TAMM41: variants seen among roughly 807,000 people sequenced by gnomAD.
The protein encoded by TAMM41 is phosphatidate cytidylyltransferase, mitochondrial.
TAMM41 carries 36 observed loss-of-function variants against 44.1 expected under a neutral mutation model. The ratio of observed to expected loss-of-function variants is 0.82; its 90% CI spans 0.63 to 1.08. The LOEUF is 1.08. Ranked by LOEUF, TAMM41 falls within the 50% of genes least tolerant of loss-of-function variation. TAMM41 has a pLI of 0.00. For synonymous variants in TAMM41, 164 were observed against 153.1 expected (o/e 1.07, Z -0.53); for missense variants, 417 against 404.3 (o/e 1.03, Z -0.27).
intron 7 of TAMM41, among the ~76,000 whole-genome samples, chr3:11,805,167 A>G (rs991789993): frequency 6.6e-5 from 10 of 151,910 alleles, no homozygotes; most frequent in Admixed American, 3.9e-4. Context: ...ACGCCCAGCT[A>G]ATTTTTTGTA....
At chr3:11,820,177 G>A (rs955811156) in intron 4 of TAMM41, among the ~76,000 whole-genome samples, 4 of 152,172 alleles carry the variant, frequency 2.6e-5, no homozygotes, top group Non-Finnish European at 4.4e-5. Flanking sequence ...ATCCTTACAC[G>A]TATAAAAATG....
chr3:11,746,490 A>T, the TAMM41 span, among the ~76,000 whole-genome samples: 1 of 152,010 alleles, frequency 6.6e-6, no homozygotes, highest in Non-Finnish European at 1.5e-5. Flanking sequence ...ACATCAAGAG[A>T]TAAACAAATT....
At chr3:11,813,289 G>T (rs758577108) in intron 5 of TAMM41, among the ~76,000 whole-genome samples, 7 of 152,138 alleles carry the variant, frequency 4.6e-5, no homozygotes, top group Non-Finnish European at 1.0e-4. Context: ...CAGCACTTTG[G>T]GAGGCTGAAG....
downstream of TAMM41, among the ~76,000 whole-genome samples, chr3:11,787,285 T>C (rs113254007): frequency 1.1e-3 from 173 of 152,236 alleles, 1 homozygote; most frequent in African/African-American, 4.0e-3. Flanking sequence ...GGAGGGAAAA[T>C]GAATGCTACT....
Position 11,846,699 on chromosome 3 carries a change from A to G in TAMM41, c.-63T>C. ...GCGAGGACAACCGGGCGGGGAACAG[A>G]CACCGGGTAGGCGGTTTAGGGTGGG... is the stretch of plus-strand genomic sequence containing the variant. On this transcript the variant is annotated 5_prime_UTR_variant, in exon 1 of 8. Coordinates refer to ENST00000455809, the MANE Select transcript of TAMM41 (RefSeq NM_001284401.2). The G allele has an allele frequency of 6.2e-7, 1 of 1,608,956 alleles. No homozygotes were observed. Among genetic ancestry groups the G allele is most frequent in the Non-Finnish European group, 8.5e-7 (1 of 1,177,124 alleles).
At position 11,844,035 on chromosome 3, in the gene TAMM41, A is replaced by G. The variant is rs771465281; in HGVS notation, c.312T>C (p.Asn104=). ...GVYYNSLIMC[N]GRLIKYGVIS... The stretch of plus-strand genomic sequence containing the variant: ...AAGGCCAGCAGTCACTTACCCTACC[A>G]TTACACATGATCAATGAATTGTAGT... Residue 104 remains asparagine (N), a synonymous_variant, in exon 2 of 8, where the codon AAT becomes AAC. Coordinates refer to ENST00000455809, the MANE Select transcript of TAMM41 (RefSeq NM_001284401.2). 6.2e-7 allele frequency: 1 copy of G among 1,614,020 alleles called. No individual in the cohort carries two copies. The highest frequency in any genetic ancestry group is 8.5e-7 in the Non-Finnish European group (1 of 1,179,954).
the TAMM41 span, among the ~76,000 whole-genome samples, chr3:11,783,230 A>G: frequency 6.6e-6 from 1 of 151,556 alleles, no homozygotes; most frequent in East Asian, 2.0e-4. Flanking sequence ...TCTTGCATTT[A>G]TGGTTTTGCC....
At chr3:11,748,117 C>T in the TAMM41 span, among the ~76,000 whole-genome samples, 5 of 150,494 alleles carry the variant, frequency 3.3e-5, no homozygotes, top group Admixed American at 2.0e-4. Context: ...TCAAGCAATC[C>T]ACCTGCCTTA....
chr3:11,793,294 G>A lies in TAMM41; in HGVS notation c.938-2713C>T, dbSNP rs1461377354. ...CAACTTCCTCAGTCATGAGGAAAATGTAAATTAAAAGATCAATATGGTACC... is the reference window on the plus strand; with the variant it reads ...CAACTTCCTCAGTCATGAGGAAAATATAAATTAAAAGATCAATATGGTACC... On this transcript the variant is annotated intron_variant, in intron 7 of 7. Transcript: ENST00000455809. Among the ~76,000 whole-genome samples, 3 of 152,124 alleles carry A rather than the reference G, an allele frequency of 2.0e-5. No homozygotes were observed. The East Asian group carries it at 5.8e-4, about 29-fold the overall frequency.
the TAMM41 span, among the ~76,000 whole-genome samples, chr3:11,755,363 G>T: frequency 2.0e-5 from 3 of 152,170 alleles, no homozygotes; most frequent in African/African-American, 7.2e-5. Context: ...GAGTCGGCTT[G>T]TGGGGAAGGA....
intron 3 of TAMM41, among the ~76,000 whole-genome samples, chr3:11,837,829 C>G (rs1312401099): frequency 6.6e-6 from 1 of 152,142 alleles, no homozygotes; most frequent in South Asian, 2.1e-4. Flanking sequence ...ACCCTTCCCC[C>G]AAATGGGTCA....
downstream of TAMM41, among the ~76,000 whole-genome samples, chr3:11,786,170 A>G (rs2077415504): frequency 6.6e-6 from 1 of 151,998 alleles, no homozygotes; most frequent in African/African-American, 2.4e-5. Context: ...GCTTCTCTGC[A>G]CGTAATCCTT....
intron 6 of TAMM41, chr3:11,809,179 T>A (rs2078011967): frequency 2.7e-5 from 9 of 333,888 alleles, no homozygotes; most frequent in South Asian, 2.7e-4. Context: ...CACAAAAAAA[T>A]GCCACCAATC....
At chr3:11,725,427 C>CT in the TAMM41 span, among the ~76,000 whole-genome samples, 136 of 99,490 alleles carry the variant, frequency 1.4e-3, 1 homozygote, top group African/African-American at 6.0e-3. Context: ...CTTCTTCTTT[C>CT]CTCCTCCTCC....
intron 7 of TAMM41, among the ~76,000 whole-genome samples, chr3:11,794,637 T>C (rs2077562557): frequency 6.6e-6 from 1 of 152,254 alleles, no homozygotes; most frequent in South Asian, 2.1e-4. Flanking sequence ...GAAAGCTATG[T>C]CACTATATGG....
chr3:11,778,429 T>C, the TAMM41 span, among the ~76,000 whole-genome samples: 2 of 152,142 alleles, frequency 1.3e-5, no homozygotes, highest in African/African-American at 4.8e-5. Context: ...GGTCTTGCTA[T>C]GTTGCCCAGT....
the TAMM41 span, among the ~76,000 whole-genome samples, chr3:11,749,664 C>T: frequency 6.6e-6 from 1 of 152,152 alleles, no homozygotes; most frequent in Non-Finnish European, 1.5e-5. Context: ...ACAAACACAA[C>T]GTGCAATGAG....
At chr3:11,749,664 CG>C in the TAMM41 span, among the ~76,000 whole-genome samples, 4 of 152,270 alleles carry the variant, frequency 2.6e-5, no homozygotes, top group East Asian at 7.7e-4. Flanking sequence ...ACAAACACAA[CG>C]TGCAATGAGA....
chr3:11,827,667 G>T (rs548902447), intron 4 of TAMM41, among the ~76,000 whole-genome samples: 1 of 149,354 alleles, frequency 6.7e-6, no homozygotes, highest in East Asian at 1.9e-4. Flanking sequence ...GAGGGGGGTG[G>T]AGGAAAAATA....
Sources: gnomAD v4.1 joint callset for allele counts (sites outside exome capture counted in the v4.1 genomes callset) on GRCh38, gnomAD v4.1.1 for gene constraint, MANE v1.5 for transcripts, NCBI Gene and HGNC (gene_info 2026-07-23, HGNC 2026-07-21) for gene names.